Variants in NLK observed in about 807,000 individuals in gnomAD.
NLK encodes serine/threonine-protein kinase NLK.
A neutral mutation model predicts 59.0 loss-of-function variants in NLK; 11 were observed. That is an observed-to-expected ratio of 0.19 (90% confidence interval 0.12 to 0.31). The LOEUF is 0.31. Among genes scored for constraint, NLK ranks in the 10% least tolerant of loss-of-function variants. NLK has a pLI of 1.00. For synonymous variants in NLK, 235 were observed against 235.9 expected, an observed-to-expected ratio of 1.00 and a Z score of 0.03; for missense variants, 410 against 661.1, an observed-to-expected ratio of 0.62 and a Z score of 4.16.
downstream of NLK, chr17:28,196,488 T>C (rs1909488762): frequency 1.3e-5 from 2 of 152,314 alleles, no homozygotes. Context: ...ATATTTCCAC[T>C]TTGATCTTTG....
At chr17:28,049,954 T>C (rs1909191362) in intron 1 of NLK, among the ~76,000 whole-genome samples, 1 of 152,244 alleles carries the variant, frequency 6.6e-6, no homozygotes, top group Admixed American at 6.5e-5. Context: ...CACTCCAGCC[T>C]GGACAACAAG....
chr17:28,096,449 T>A (rs1453367405), intron 1 of NLK, among the ~76,000 whole-genome samples: 1 of 152,024 alleles, frequency 6.6e-6, no homozygotes, highest in Non-Finnish European at 1.5e-5. Context: ...GTTCTTGTAA[T>A]TTTTTTTATC....
At chr17:28,064,160 T>G (rs1030874237) in intron 1 of NLK, among the ~76,000 whole-genome samples, 14 of 150,510 alleles carry the variant, frequency 9.3e-5, no homozygotes, top group African/African-American at 3.2e-4. Context: ...TAGAGTCATC[T>G]TTAAGTTAGC....
In NLK at chr17:28,047,563, A is replaced by G. The variant is rs563587569; in HGVS notation, c.458+4232A>G. 7.2e-5 allele frequency among the ~76,000 whole-genome samples: 11 copies of G among 152,346 alleles called. No individual in the cohort carries two copies. The East Asian group carries it at 2.1e-3, about 29-fold the overall frequency. ...AATTAATTTTTTCTTTTCAGAATGT[A>G]ACAAATGAAAGACATCCTTATTGTC... is the stretch of plus-strand genomic sequence containing the variant. On this transcript the variant is annotated intron_variant, in intron 1 of 10. Transcript: ENST00000407008.
chr17:28,058,718 C>T (rs905070493), intron 1 of NLK, among the ~76,000 whole-genome samples: 1 of 152,108 alleles, frequency 6.6e-6, no homozygotes, highest in Admixed American at 6.5e-5. Context: ...AATGATTGCT[C>T]CTGTGAATAA....
At chr17:28,058,178 C>T (rs1909507081) in intron 1 of NLK, among the ~76,000 whole-genome samples, 1 of 152,160 alleles carries the variant, frequency 6.6e-6, no homozygotes, top group Non-Finnish European at 1.5e-5. Flanking sequence ...TAAGGAAGTA[C>T]ATAGGCAACA....
intron 4 of NLK, 77 bp downstream of exon 4, chr17:28,161,343 C>T (rs1226488830): frequency 1.0e-5 from 8 of 766,944 alleles, no homozygotes; most frequent in East Asian, 5.1e-5. Context: ...GACTTTAATC[C>T]GATCTTCCAA....
At chr17:28,168,356 CA>C in intron 5 of NLK, 91 bp from the exon 6 acceptor site, 1 of 867,874 alleles carries the variant, frequency 1.2e-6, no homozygotes, top group Non-Finnish European at 1.8e-6. Context: ...AAAAAAGTTT[CA>C]AAGTTCAGTG....
At chr17:28,093,323 C>T (rs1263420465) in intron 1 of NLK, among the ~76,000 whole-genome samples, 2 of 151,984 alleles carry the variant, frequency 1.3e-5, no homozygotes, top group Non-Finnish European at 2.9e-5. Flanking sequence ...TTAATGAAAC[C>T]AAAATTGAAT....
rs1909552725 is a variant in NLK, at chr17:28,059,361, A to G, written c.458+16030A>G. Among the ~76,000 whole-genome samples, 2 of 152,134 alleles carry G rather than the reference A, an allele frequency of 1.3e-5. 1 individual carries two copies. The highest frequency in any genetic ancestry group is 4.1e-4 in the South Asian group (2 of 4,826). On this transcript the variant is annotated intron_variant, in intron 1 of 10. Coordinates refer to ENST00000407008, the MANE Select transcript of NLK (RefSeq NM_016231.5). ...TAGTATATGGTAACCAACTATGTCC[A>G]GAAATAGTCCTTTATTTTGAAAAGA...
At chr17:28,055,323 C>A (rs894035310) in intron 1 of NLK, among the ~76,000 whole-genome samples, 3 of 152,014 alleles carry the variant, frequency 2.0e-5, no homozygotes, top group Non-Finnish European at 4.4e-5. Context: ...AATCTCTTGA[C>A]CTCATGATTT....
At position 28,094,230 on chromosome 17, in the gene NLK, C is replaced by T. The variant is rs149142073; in HGVS notation, c.459-28373C>T. Among the ~76,000 whole-genome samples the T allele has an allele frequency of 2.6e-5, 4 of 152,282 alleles. No homozygotes were observed. In the East Asian group the frequency reaches 5.8e-4, roughly 22 times the overall value. Reference sequence around the variant, plus strand: ...TTACTGTATAGGGAATGGTTAGATTCTTCAGGTTTCTGAGCAAAAACAACC... The same window carrying T: ...TTACTGTATAGGGAATGGTTAGATTTTTCAGGTTTCTGAGCAAAAACAACC... On this transcript the variant is annotated intron_variant, in intron 1 of 10. Coordinates refer to ENST00000407008, the MANE Select transcript of NLK (RefSeq NM_016231.5).
rs145592087 is a variant in NLK at position 28,174,902 on chromosome 17, G to A, written c.1149+2284G>A. Among the ~76,000 whole-genome samples the A allele has an allele frequency of 3.2e-3, 487 of 151,646 alleles. 3 individuals are homozygous for A. Among genetic ancestry groups the A allele is most frequent in the African/African-American group, 0.011 (461 of 41,322 alleles). On this transcript the variant is annotated intron_variant, in intron 7 of 10. Transcript: ENST00000407008. The stretch of plus-strand genomic sequence containing the variant: ...TTGGCCTATTAGCAGCTGCTTGAAG[G>A]TATTGCCATTCATGTTATAGCTATT...
intron 1 of NLK, among the ~76,000 whole-genome samples, chr17:28,085,240 C>T (rs772673013): frequency 9.2e-5 from 14 of 152,158 alleles, no homozygotes; most frequent in Non-Finnish European, 1.6e-4. Context: ...TCTGTTAGCA[C>T]ATGGAGTGAA....
Position 28,192,205 on chromosome 17 carries a change from C to A in NLK, c.1521C>A (p.Ser507Arg). Residue 507 changes from serine (S) to arginine (R), a missense_variant, in exon 10 of 11, where the codon AGC becomes AGA. Physicochemically the swap from Ser to Arg is moderately radical, Grantham distance 110. Around this residue, in one of 5 missense-constraint regions of NLK, gnomAD observed 25 missense variants for 29.7 expected, o/e 0.84. Transcript: ENST00000407008. Reference sequence around the variant, plus strand: ...ACCCTCAGTCTGCTGCTTTTAAGAGCTTTATTAGGTAACTATATGTATGTA... The same window carrying A: ...ACCCTCAGTCTGCTGCTTTTAAGAGATTTATTAGGTAACTATATGTATGTA... ...CINPQSAAFK[S>R]FISSTVAQPS... 1.3e-6 allele frequency: 2 copies of A among 1,562,618 alleles called. No homozygotes were observed. Among genetic ancestry groups the A allele is most frequent in the East Asian group, 2.2e-5 (1 of 44,588 alleles).
chr17:28,049,857 A>G (rs895738912), intron 1 of NLK, among the ~76,000 whole-genome samples: 7 of 152,124 alleles, frequency 4.6e-5, no homozygotes, highest in Admixed American at 6.5e-5. Flanking sequence ...GCACATGCCT[A>G]TAATCCCAGC....
intron 1 of NLK, among the ~76,000 whole-genome samples, chr17:28,053,376 CCTTTT>C (rs1425919463): frequency 1.3e-5 from 2 of 152,242 alleles, no homozygotes; most frequent in Admixed American, 6.5e-5. Context: ...AGGCATTTTT[CCTTTT>C]CTTTTCTGAA....
Position 28,161,144 on chromosome 17 carries a change from A to T in NLK, c.645-16A>T. 6.8e-7 allele frequency: 1 copy of T among 1,469,834 alleles called. No homozygotes were observed. The highest frequency in any genetic ancestry group is 9.5e-7 in the Non-Finnish European group (1 of 1,048,496). The allele number at this position is 1,469,834 out of a possible 1,614,324, so 91.0% of individuals were successfully genotyped here. A position where few individuals can be genotyped will look rare whatever the true frequency, so the allele number is the denominator to read the frequency against. On this transcript the variant is annotated splice_polypyrimidine_tract_variant and intron_variant, in intron 3 of 10. Transcript: ENST00000407008. ...GGACTGAATTCGCCGAACTCTCCTT[A>T]ACTTAAAACTTCAAGATATGTTGTC...
chr17:28,202,309 T>C, the NLK span, among the ~76,000 whole-genome samples: 14 of 152,198 alleles, frequency 9.2e-5, no homozygotes, highest in African/African-American at 3.4e-4. Flanking sequence ...GGTAGGGGAA[T>C]TGCTTAAGCC....
Sources: gnomAD v4.1 joint callset for allele counts (sites outside exome capture counted in the v4.1 genomes callset) on GRCh38, gnomAD v4.1.1 for gene constraint, gnomAD v4.1.1 regional missense constraint, MANE v1.5 for transcripts, NCBI Gene and HGNC (gene_info 2026-07-23, HGNC 2026-07-21) for gene names.